Variants in SYN3 observed in about 807,000 individuals in gnomAD.
SYN3 encodes synapsin III, also known as synapsin-3.
In SYN3, 35 loss-of-function variants were observed where a neutral mutation model predicts 65.8. The ratio of observed to expected loss-of-function variants is 0.53; its 90% confidence interval spans 0.41 to 0.70. The LOEUF is 0.70. Among genes scored for constraint, SYN3 ranks in the 30% least tolerant of loss-of-function variants. The probability of loss-of-function intolerance (pLI) is 0.00; values close to 1 mark genes in which losing one functional copy is unlikely to be tolerated. For synonymous variants in SYN3, 270 were observed against 292.9 expected (o/e 0.92, Z 0.80); for missense variants, 680 against 749.0 (o/e 0.91, Z 1.08).
At chr22:33,010,224 C>T (rs1028987862) in intron 1 of SYN3, among the ~76,000 whole-genome samples, 1 of 145,194 alleles carries the variant, frequency 6.9e-6, no homozygotes, top group Non-Finnish European at 1.5e-5. Context: ...AGGAGCAAAA[C>T]TCTGTCCCAA....
At chr22:32,517,353 T>C (rs2057795078) in intron 13 of SYN3, among the ~76,000 whole-genome samples, 1 of 152,126 alleles carries the variant, frequency 6.6e-6, no homozygotes, top group Non-Finnish European at 1.5e-5. Context: ...TGAGACCCCA[T>C]GGAGAGAAAG....
chr22:32,627,124 C>T (rs1262633344), intron 6 of SYN3, among the ~76,000 whole-genome samples: 3 of 137,052 alleles, frequency 2.2e-5, no homozygotes, highest in East Asian at 2.7e-4. Flanking sequence ...CTCCCGGGGT[C>T]GTTGTGTAAG....
intron 6 of SYN3, among the ~76,000 whole-genome samples, chr22:32,661,446 A>G (rs2060215243): frequency 6.6e-6 from 1 of 152,284 alleles, no homozygotes; most frequent in Non-Finnish European, 1.5e-5. Context: ...CAGCACATCA[A>G]TGGGGGAATT....
chr22:32,594,574 A>G (rs962278863), intron 7 of SYN3, among the ~76,000 whole-genome samples: 2 of 149,408 alleles, frequency 1.3e-5, no homozygotes, highest in African/African-American at 4.9e-5. Flanking sequence ...CGCAACCTCC[A>G]CCTCCCAGGT....
chr22:32,861,744 G>C (rs2146309707), intron 6 of SYN3: 1 of 152,684 alleles, frequency 6.5e-6, no homozygotes, highest in Admixed American at 6.5e-5. Context: ...GATGTCAGAG[G>C]GCGGTTTTGA....
intron 2 of SYN3, among the ~76,000 whole-genome samples, chr22:32,992,737 T>C (rs1272240486): frequency 1.3e-5 from 2 of 152,082 alleles, no homozygotes; most frequent in Non-Finnish European, 2.9e-5. Flanking sequence ...TGTTCAAACC[T>C]GGGAGGCGGA....
chr22:32,709,687 T>C (rs1255665533), intron 6 of SYN3, among the ~76,000 whole-genome samples: 1 of 151,936 alleles, frequency 6.6e-6, no homozygotes, highest in Non-Finnish European at 1.5e-5. Context: ...CCAAAGCTTT[T>C]TCCTTTTTCT....
intron 6 of SYN3, among the ~76,000 whole-genome samples, chr22:32,609,199 C>T (rs2059409074): frequency 6.6e-6 from 1 of 152,034 alleles, no homozygotes; most frequent in East Asian, 1.9e-4. Flanking sequence ...TTGCAGGTGC[C>T]TGTAGTCCCA....
intron 7 of SYN3, among the ~76,000 whole-genome samples, chr22:32,552,114 C>T (rs903262602): frequency 7.9e-5 from 12 of 152,142 alleles, no homozygotes; most frequent in Non-Finnish European, 1.5e-5. Context: ...AGAGTGGTGG[C>T]GGGCGCCTGT....
intron 6 of SYN3, among the ~76,000 whole-genome samples, chr22:32,731,124 T>C (rs1202945962): frequency 6.6e-6 from 1 of 152,200 alleles, no homozygotes; most frequent in Non-Finnish European, 1.5e-5. Context: ...CAGGCATCCC[T>C]AGTGCTCAGC....
At chr22:32,825,791 A>C (rs1446892483) in intron 6 of SYN3, among the ~76,000 whole-genome samples, 1 of 149,686 alleles carries the variant, frequency 6.7e-6, no homozygotes, top group Non-Finnish European at 1.5e-5. Flanking sequence ...TGTTTATCAT[A>C]GAGTTGTTTA....
At chr22:32,745,416 C>T (rs895705030) in intron 6 of SYN3, among the ~76,000 whole-genome samples, 17 of 152,198 alleles carry the variant, frequency 1.1e-4, no homozygotes, top group Non-Finnish European at 1.6e-4. Context: ...GGGTGGATGG[C>T]GGACTGTCAC....
chr22:32,919,870 T>C (rs1387124842), intron 4 of SYN3, among the ~76,000 whole-genome samples: 2 of 152,186 alleles, frequency 1.3e-5, no homozygotes, highest in Non-Finnish European at 2.9e-5. Flanking sequence ...TTTGCCCATC[T>C]GTAAAATGGG....
At chr22:32,589,494 A>G (rs2059098852) in intron 7 of SYN3, among the ~76,000 whole-genome samples, 1 of 152,164 alleles carries the variant, frequency 6.6e-6, no homozygotes, top group Admixed American at 6.5e-5. Flanking sequence ...GGGGGTGCAA[A>G]TATCTCAGGC....
chr22:32,889,850 T>C (rs529062148), intron 4 of SYN3, among the ~76,000 whole-genome samples: 1 of 152,172 alleles, frequency 6.6e-6, no homozygotes, highest in African/African-American at 2.4e-5. Flanking sequence ...TCAAAAGTCA[T>C]TAGTAGGGAA....
intron 6 of SYN3, among the ~76,000 whole-genome samples, chr22:32,791,171 A>C (rs1372136532): frequency 6.6e-6 from 1 of 152,208 alleles, no homozygotes; most frequent in Non-Finnish European, 1.5e-5. Flanking sequence ...ACATACCTTT[A>C]CACTTGTATA....
intron 7 of SYN3, among the ~76,000 whole-genome samples, chr22:32,555,536 G>T (rs943508749): frequency 3.9e-5 from 6 of 152,220 alleles, no homozygotes; most frequent in African/African-American, 1.2e-4. Context: ...GGACATACTG[G>T]TTTTTTTAAA....
chr22:32,734,442 T>A (rs2061311265), intron 6 of SYN3, among the ~76,000 whole-genome samples: 1 of 152,094 alleles, frequency 6.6e-6, no homozygotes, highest in African/African-American at 2.4e-5. Context: ...GAGACACTGA[T>A]CCAAGGTTAA....
chr22:32,792,807 A>T (rs144955505), intron 6 of SYN3, among the ~76,000 whole-genome samples: 2 of 152,284 alleles, frequency 1.3e-5, no homozygotes, highest in African/African-American at 4.8e-5. Context: ...AACCCAAGAG[A>T]CAAAGAGAAA....
Sources: allele counts gnomAD v4.1 joint callset (sites outside exome capture counted in the v4.1 genomes callset), GRCh38; gene constraint gnomAD v4.1.1; transcripts MANE v1.5; gene names NCBI Gene and HGNC (gene_info 2026-07-23, HGNC 2026-07-21).